The following JAK1 variants were observed in gnomAD, a reference collection of about 807,000 sequenced individuals.
JAK1 encodes the protein tyrosine-protein kinase JAK1.
A neutral mutation model predicts 136.6 loss-of-function variants in JAK1; 16 were observed. The observed-to-expected ratio is 0.12, with a 90% CI of 0.08 to 0.18. The LOEUF is 0.18. Ranked by LOEUF, JAK1 falls within the 10% of genes least tolerant of loss-of-function variation. JAK1 has a pLI of 1.00. For synonymous variants in JAK1, 492 were observed against 519.5 expected, an observed-to-expected ratio of 0.95 and a Z score of 0.72; for missense variants, 859 against 1,450.1, an observed-to-expected ratio of 0.59 and a Z score of 6.62.
intron 2 of JAK1, chr1:64,994,972 A>AC (rs1310535634): frequency 2.0e-5 from 3 of 152,028 alleles, no homozygotes; most frequent in African/African-American, 7.2e-5. Flanking sequence ...GCAAAAAAAA[A>AC]AAAAAAAAAC....
intron 1 of JAK1, among the ~76,000 whole-genome samples, chr1:65,056,351 C>T (rs1647536753): frequency 6.6e-6 from 1 of 152,140 alleles, no homozygotes; most frequent in Non-Finnish European, 1.5e-5. Context: ...AAGTGTGGCT[C>T]AAGGGATCAC....
rs542617385 is a variant in JAK1 at position 64,914,631 on chromosome 1, T to G, written c.-77-28290A>C. 4.1e-3 allele frequency among the ~76,000 whole-genome samples: 623 copies of G among 152,354 alleles called. 5 individuals carry two copies. The highest frequency in any genetic ancestry group is 0.014 in the African/African-American group (584 of 41,582). Reference sequence around the variant, plus strand: ...CAGGCTGGAGCGCAGTGGCGTGATCTCAGCTCACTGCAACCTCTGCCTCTG... The same window carrying G: ...CAGGCTGGAGCGCAGTGGCGTGATCGCAGCTCACTGCAACCTCTGCCTCTG... On this transcript the variant is annotated intron_variant, in intron 1 of 24. Transcript: ENST00000342505.
In JAK1 at chr1:65,028,007, A is replaced by G. The variant is rs528739527; in HGVS notation, c.-78+16473T>C. On this transcript the variant is annotated intron_variant, in intron 2 of 25. Transcript: ENST00000671954. ...TGCTCTTACCTATAATCAAGCTCAC[A>G]GAAGGGAAGTAGAGTGTTTTTGTGC... 7.9e-5 allele frequency among the ~76,000 whole-genome samples: 12 copies of G among 152,334 alleles called. No individual in the cohort carries two copies. In the South Asian group the frequency reaches 2.5e-3, roughly 32 times the overall value.
intron 2 of JAK1, among the ~76,000 whole-genome samples, chr1:64,989,000 GTGTATATATA>G (rs1439400037): frequency 3.9e-4 from 36 of 91,862 alleles, no homozygotes; most frequent in African/African-American, 1.2e-3. Context: ...GTGTGTGTGT[GTGTATATATA>G]TATATATATA....
chr1:64,878,559 G>GTGTGTATA (rs773289462), intron 4 of JAK1, among the ~76,000 whole-genome samples: 2 of 79,258 alleles, frequency 2.5e-5, no homozygotes, highest in South Asian at 4.9e-4. Context: ...TATATATAGT[G>GTGTGTATA]TGTATATATA....
intron 1 of JAK1, among the ~76,000 whole-genome samples, chr1:65,065,027 T>G (rs934497079): frequency 6.6e-6 from 1 of 152,214 alleles, no homozygotes; most frequent in East Asian, 1.9e-4. Flanking sequence ...ATGAACACTA[T>G]ACAGTCTTCT....
chr1:64,971,381 A>C (rs76945593), upstream of JAK1, among the ~76,000 whole-genome samples: 964 of 152,112 alleles, frequency 6.3e-3, 12 homozygotes, highest in African/African-American at 0.022. Flanking sequence ...TTTTTGAGTC[A>C]GAGTCTTGCT....
chr1:64,961,678 T>G (rs1646285133), intron 1 of JAK1, among the ~76,000 whole-genome samples: 1 of 152,116 alleles, frequency 6.6e-6, no homozygotes, highest in African/African-American at 2.4e-5. Flanking sequence ...TTGCTCACAC[T>G]GTATCTCTGC....
chr1:64,906,233 G>A (rs1299686363), intron 1 of JAK1, among the ~76,000 whole-genome samples: 2 of 151,516 alleles, frequency 1.3e-5, no homozygotes, highest in East Asian at 3.9e-4. Context: ...GGCGGGAGCT[G>A]CAGTAAGCCA....
At chr1:64,863,467 G>A (rs1246672125) in intron 8 of JAK1, among the ~76,000 whole-genome samples, 1 of 151,934 alleles carries the variant, frequency 6.6e-6, no homozygotes, top group African/African-American at 2.4e-5. Context: ...ATCCATCTGA[G>A]CTCTTCTACT....
At chr1:64,872,613 G>C (rs1657138256) in intron 5 of JAK1, among the ~76,000 whole-genome samples, 1 of 152,156 alleles carries the variant, frequency 6.6e-6, no homozygotes. Context: ...AGCATCTCCA[G>C]CATCTTAGCA....
At chr1:65,027,257 G>A (rs1646986361) in intron 2 of JAK1, among the ~76,000 whole-genome samples, 1 of 151,776 alleles carries the variant, frequency 6.6e-6, no homozygotes, top group African/African-American at 2.4e-5. Context: ...AGTAGAGATG[G>A]GGTTTCACCA....
intron 2 of JAK1, among the ~76,000 whole-genome samples, chr1:65,036,961 T>C (rs1231743774): frequency 1.3e-5 from 2 of 152,170 alleles, no homozygotes; most frequent in African/African-American, 4.8e-5. Flanking sequence ...CTGAGTCAGG[T>C]GGATCACTTG....
chr1:65,040,947 G>A (rs1647126519), intron 2 of JAK1, among the ~76,000 whole-genome samples: 1 of 152,240 alleles, frequency 6.6e-6, no homozygotes, highest in Non-Finnish European at 1.5e-5. Flanking sequence ...TTGGGGTCTG[G>A]GGAGGGCAGG....
chr1:64,969,907 T>A (rs981004165), upstream of JAK1, among the ~76,000 whole-genome samples: 4 of 150,606 alleles, frequency 2.7e-5, no homozygotes, highest in African/African-American at 7.3e-5. Context: ...AGTTCAGGAG[T>A]TCAAAATGGG....
chr1:64,984,947 G>A lies in JAK1; in HGVS notation c.-78+59533C>T. ...GTTCAGCCACAATAAACCAGGGAATGTGGTCTGGCCCAATTTCAAAGAAGA... is the reference window on the plus strand; with the variant it reads ...GTTCAGCCACAATAAACCAGGGAATATGGTCTGGCCCAATTTCAAAGAAGA... On this transcript the variant is annotated intron_variant, in intron 2 of 25. Coordinates refer to the JAK1 transcript ENST00000671954. This position sits in a 1 kb window ranked among gnomAD's most constrained non-coding sequence, Gnocchi z 4.1. The A allele has an allele frequency of 9.4e-7, 1 of 1,065,436 alleles. No individual in the cohort carries two copies. Among genetic ancestry groups the A allele is most frequent in the Non-Finnish European group, 1.5e-6 (1 of 684,038 alleles). The allele number at this position is 1,065,436 out of a possible 1,614,324, so 66.0% of individuals were successfully genotyped here. A position where few individuals can be genotyped will look rare whatever the true frequency, so the allele number is the denominator to read the frequency against.
At chr1:65,052,948 TG>T (rs1393312701) in intron 1 of JAK1, among the ~76,000 whole-genome samples, 1 of 135,704 alleles carries the variant, frequency 7.4e-6, no homozygotes. Flanking sequence ...GGAGAATCGC[TG>T]GGACCCGGGA....
intron 1 of JAK1, among the ~76,000 whole-genome samples, chr1:65,046,165 T>C (rs543740705): frequency 3.0e-4 from 46 of 152,334 alleles, no homozygotes; most frequent in African/African-American, 1.1e-3. Flanking sequence ...TTTTTCATAA[T>C]CATCAGCAAT....
chr1:64,846,015 C>T (rs1008060573), intron 14 of JAK1, among the ~76,000 whole-genome samples: 2 of 152,192 alleles, frequency 1.3e-5, no homozygotes, highest in African/African-American at 4.8e-5. Context: ...GAGGTCAGGC[C>T]GCTCACACGG....
Sources: gnomAD v4.1 joint callset for allele counts (sites outside exome capture counted in the v4.1 genomes callset) on GRCh38, gnomAD v4.1.1 for gene constraint, Gnocchi (gnomAD v3.1) non-coding constraint, MANE v1.5 for transcripts, NCBI Gene and HGNC (gene_info 2026-07-23, HGNC 2026-07-21) for gene names.